The following STK33 variants were observed in gnomAD, a reference collection of about 807,000 sequenced individuals.
STK33 encodes serine/threonine-protein kinase 33.
A neutral mutation model predicts 58.0 loss-of-function variants in STK33; 52 were observed. The observed-to-expected ratio is 0.90, with a 90% CI of 0.72 to 1.13. The LOEUF (loss-of-function observed/expected upper bound fraction) is 1.13. Among genes scored for constraint, STK33 ranks in the 50% most tolerant of loss-of-function variants. The pLI is 0.00. For synonymous variants in STK33, 215 were observed against 200.1 expected (o/e 1.07, Z -0.63); for missense variants, 630 against 604.2 (o/e 1.04, Z -0.45).
the STK33 span, among the ~76,000 whole-genome samples, chr11:8,356,903 A>G: frequency 1.3e-5 from 2 of 152,166 alleles, no homozygotes. Context: ...TGACTGTGCA[A>G]GAGAGACAGG....
intron 1 of STK33, among the ~76,000 whole-genome samples, chr11:8,527,329 G>T (rs970514127): frequency 6.6e-6 from 1 of 152,190 alleles, no homozygotes; most frequent in African/African-American, 2.4e-5. Flanking sequence ...GGGCCCTGAG[G>T]CAGGGCTTCT....
the STK33 span, among the ~76,000 whole-genome samples, chr11:8,380,935 T>C: frequency 5.3e-5 from 8 of 152,088 alleles, no homozygotes; most frequent in Non-Finnish European, 1.2e-4. Context: ...TACTCAGCCA[T>C]CAAAAAGAAT....
chr11:8,335,270 C>T, the STK33 span, among the ~76,000 whole-genome samples: 1 of 152,170 alleles, frequency 6.6e-6, no homozygotes, highest in Non-Finnish European at 1.5e-5. Flanking sequence ...GTCCTGGCTA[C>T]CTGTTCTGTT....
At chr11:8,424,565 C>A (rs1942440082) in intron 14 of STK33, among the ~76,000 whole-genome samples, 1 of 151,838 alleles carries the variant, frequency 6.6e-6, no homozygotes, top group East Asian at 1.9e-4. Flanking sequence ...AATCATCACA[C>A]TGACTTCCAC....
intron 1 of STK33, among the ~76,000 whole-genome samples, chr11:8,494,786 C>T (rs1950918850): frequency 6.6e-6 from 1 of 152,122 alleles, no homozygotes; most frequent in Admixed American, 6.6e-5. Context: ...TCAGAAATAA[C>T]ACCACACATC....
At chr11:8,585,183 A>G (rs948750751) in intron 1 of STK33, among the ~76,000 whole-genome samples, 1 of 150,578 alleles carries the variant, frequency 6.6e-6, no homozygotes, top group Non-Finnish European at 1.5e-5. Context: ...GTGGCCTTCC[A>G]AAATGCTGGG....
At chr11:8,506,585 G>A (rs1951878652) in intron 1 of STK33, among the ~76,000 whole-genome samples, 1 of 151,734 alleles carries the variant, frequency 6.6e-6, no homozygotes, top group African/African-American at 2.4e-5. Flanking sequence ...AAGGACTCGT[G>A]TGATTAGATT....
intron 1 of STK33, among the ~76,000 whole-genome samples, chr11:8,571,926 AT>A (rs1403789671): frequency 6.7e-6 from 1 of 150,024 alleles, no homozygotes; most frequent in South Asian, 2.1e-4. Context: ...TTAAATTTTA[AT>A]TTTAAAAAAT....
intron 14 of STK33, among the ~76,000 whole-genome samples, chr11:8,427,507 T>C (rs11041916): frequency 0.062 from 9,420 of 152,228 alleles, 467 homozygotes; most frequent in East Asian, 0.27. Flanking sequence ...TTAATTCTGA[T>C]GAATTTATCC....
At chr11:8,360,648 C>T in the STK33 span, among the ~76,000 whole-genome samples, 1 of 152,250 alleles carries the variant, frequency 6.6e-6, no homozygotes, top group Non-Finnish European at 1.5e-5. Context: ...CAGGCTCATT[C>T]CTGCTATTGC....
chr11:8,489,272 G>GA (rs60919146), intron 1 of STK33, among the ~76,000 whole-genome samples: 65,104 of 126,090 alleles, frequency 0.52, 16,280 homozygotes, highest in South Asian at 0.65. Context: ...AAAAAAAAAA[G>GA]AAAAAAAAAA....
chr11:8,522,845 G>A (rs565589488), intron 1 of STK33, among the ~76,000 whole-genome samples: 31 of 152,126 alleles, frequency 2.0e-4, no homozygotes, highest in Admixed American at 5.9e-4. Flanking sequence ...ATGCCCAGCC[G>A]AGGCTGGACT....
intron 1 of STK33, among the ~76,000 whole-genome samples, chr11:8,569,234 C>T (rs1421551857): frequency 6.6e-6 from 1 of 152,228 alleles, no homozygotes; most frequent in East Asian, 1.9e-4. Context: ...ACTCACACTA[C>T]CTTGTTTTAA....
chr11:8,550,237 G>A (rs777040465), intron 1 of STK33, among the ~76,000 whole-genome samples: 23 of 152,042 alleles, frequency 1.5e-4, no homozygotes, highest in Non-Finnish European at 2.8e-4. Flanking sequence ...ATAAGGTCCC[G>A]GAATATGTAA....
At chr11:8,544,612 T>C (rs995860908) in intron 1 of STK33, among the ~76,000 whole-genome samples, 11 of 151,998 alleles carry the variant, frequency 7.2e-5, no homozygotes, top group Admixed American at 1.3e-4. Flanking sequence ...TTGTTTTCTA[T>C]AGAACCATAT....
At chr11:8,526,841 C>A (rs189198557) in intron 1 of STK33, among the ~76,000 whole-genome samples, 23 of 111,190 alleles carry the variant, frequency 2.1e-4, no homozygotes, top group East Asian at 6.0e-4. Context: ...AAAAAAAAAA[C>A]CCAGACAAAA....
chr11:8,509,110 C>T (rs1254125552), intron 1 of STK33, among the ~76,000 whole-genome samples: 8 of 115,162 alleles, frequency 6.9e-5, no homozygotes, highest in African/African-American at 2.7e-4. Flanking sequence ...GAGCAAAACT[C>T]TGTCTCAAAA....
intron 1 of STK33, among the ~76,000 whole-genome samples, chr11:8,495,454 A>G (rs201289224): frequency 6.6e-6 from 1 of 152,102 alleles, no homozygotes; most frequent in Non-Finnish European, 1.5e-5. Flanking sequence ...AACAACAGAT[A>G]CTGGAGAGGA....
At chr11:8,478,365 T>C (rs1949479443) in intron 2 of STK33, among the ~76,000 whole-genome samples, 1 of 152,170 alleles carries the variant, frequency 6.6e-6, no homozygotes, top group Admixed American at 6.5e-5. Context: ...CTCCAAAGAT[T>C]GGACATACAT....
Sources: allele counts gnomAD v4.1 joint callset (sites outside exome capture counted in the v4.1 genomes callset), GRCh38; gene constraint gnomAD v4.1.1; transcripts MANE v1.5; gene names NCBI Gene and HGNC (gene_info 2026-07-23, HGNC 2026-07-21).